Variants in PPEF1 observed in about 807,000 individuals in gnomAD.
PPEF1 encodes the protein serine/threonine-protein phosphatase with EF-hands 1.
Under a neutral mutation model 53.3 loss-of-function variants are expected in PPEF1, and 12 were observed. The ratio of observed to expected loss-of-function variants is 0.23; its 90% CI spans 0.14 to 0.36. The LOEUF (loss-of-function observed/expected upper bound fraction) is 0.36. Among genes scored for constraint, PPEF1 ranks in the 10% least tolerant of loss-of-function variants. The pLI is 1.00. For synonymous variants in PPEF1, 165 were observed against 176.7 expected, an observed-to-expected ratio of 0.93 and a Z score of 0.52; for missense variants, 334 against 490.4, an observed-to-expected ratio of 0.68 and a Z score of 3.01.
chrX:18,716,499 T>C (rs1190378772), intron 1 of PPEF1, among the ~76,000 whole-genome samples: 1 of 84,955 alleles, frequency 1.2e-5, no homozygotes, highest in African/African-American at 4.9e-5. Flanking sequence ...ACCACTGCAC[T>C]ACAGCCTGGG....
chrX:18,795,898 C>A (rs1209465953), intron 10 of PPEF1, among the ~76,000 whole-genome samples: 2 of 112,165 alleles, frequency 1.8e-5, no homozygotes, highest in African/African-American at 6.5e-5. Context: ...CTAGGTCATA[C>A]CATGTCTCTC....
chrX:18,729,362 C>T lies in PPEF1; in HGVS notation c.47-819C>T, dbSNP rs185803127. On this transcript the variant is annotated intron_variant, in intron 1 of 15. Coordinates refer to ENST00000470157, the MANE Select transcript of PPEF1 (RefSeq NM_001377996.1). ...TATTCCCTTCTCTTCATGTACCCCA[C>T]GCTCATTCACTCCCCTATAAATAAC... 1.2e-4 allele frequency among the ~76,000 whole-genome samples: 13 copies of T among 112,128 alleles called. No individual in the cohort carries two copies. The Middle Eastern group carries it at 0.014, about 120-fold the overall frequency.
intron 3 of PPEF1, among the ~76,000 whole-genome samples, chrX:18,736,888 T>G (rs1328041032): frequency 1.8e-5 from 2 of 112,420 alleles, no homozygotes; most frequent in Non-Finnish European, 3.8e-5. Context: ...ATTTATCCAT[T>G]TCTTCTAGAT....
intron 1 of PPEF1, among the ~76,000 whole-genome samples, chrX:18,711,754 C>CTTT (rs536021892): frequency 2.8e-4 from 25 of 89,187 alleles, no homozygotes; most frequent in African/African-American, 1.1e-3. Flanking sequence ...ATTACTATAG[C>CTTT]TTTTTTTTTT....
intron 3 of PPEF1, among the ~76,000 whole-genome samples, chrX:18,748,927 AAC>A (rs1428058530): frequency 3.6e-5 from 4 of 112,330 alleles, no homozygotes; most frequent in Non-Finnish European, 5.6e-5. Flanking sequence ...GGGATGGGGA[AAC>A]ACACTCTTGA....
intron 4 of PPEF1, among the ~76,000 whole-genome samples, chrX:18,756,796 G>A (rs2045558790): frequency 8.9e-6 from 1 of 112,283 alleles, no homozygotes; most frequent in South Asian, 3.6e-4. Flanking sequence ...TGTTAATTTA[G>A]CTTTTATAAA....
chrX:18,810,076 C>CTGTGTG (rs199559695), intron 12 of PPEF1, among the ~76,000 whole-genome samples: 10 of 99,461 alleles, frequency 1.0e-4, no homozygotes, highest in Admixed American at 3.4e-4. Context: ...AAAAAATCCT[C>CTGTGTG]TGTGTGTGTG....
chrX:18,722,109 T>G (rs1336446319), intron 1 of PPEF1, among the ~76,000 whole-genome samples: 1 of 112,193 alleles, frequency 8.9e-6, no homozygotes. Context: ...GAAGTCTCAC[T>G]GGGACAGCCG....
intron 1 of PPEF1, among the ~76,000 whole-genome samples, chrX:18,709,623 G>A (rs1462352297): frequency 1.7e-4 from 18 of 108,993 alleles, no homozygotes; most frequent in Non-Finnish European, 2.3e-4. Context: ...TCAGCCTCTG[G>A]AGTAGCTGGG....
At chrX:18,806,957 A>G (rs984070950) in intron 12 of PPEF1, among the ~76,000 whole-genome samples, 4 of 109,271 alleles carry the variant, frequency 3.7e-5, no homozygotes, top group African/African-American at 1.3e-4. Flanking sequence ...TTTGTAGCTT[A>G]TACTCCTTTT....
At chrX:18,807,496 C>T (rs181361276) in intron 12 of PPEF1, among the ~76,000 whole-genome samples, 2 of 111,646 alleles carry the variant, frequency 1.8e-5, no homozygotes, top group Admixed American at 9.6e-5. Flanking sequence ...CCTCTTCTTG[C>T]TCTTACAAAA....
intron 10 of PPEF1, among the ~76,000 whole-genome samples, chrX:18,792,791 A>G (rs956919360): frequency 1.8e-5 from 2 of 111,608 alleles, no homozygotes; most frequent in Non-Finnish European, 3.8e-5. Context: ...ATGAAAGTAC[A>G]CTCCACAGTG....
At chrX:18,685,481 C>T (rs1050803932) in intron 2 of PPEF1, among the ~76,000 whole-genome samples, 12 of 110,564 alleles carry the variant, frequency 1.1e-4, no homozygotes, top group African/African-American at 1.7e-4. Flanking sequence ...GTCAGGAGAT[C>T]GAGACCATCC....
chrX:18,702,670 G>GA (rs1369827692), upstream of PPEF1, among the ~76,000 whole-genome samples: 2 of 109,316 alleles, frequency 1.8e-5, no homozygotes, highest in Non-Finnish European at 3.8e-5. Flanking sequence ...AGATTAGCAT[G>GA]AAAAAAATGG....
chrX:18,727,300 C>A (rs1245756069), intron 1 of PPEF1, among the ~76,000 whole-genome samples: 3 of 110,760 alleles, frequency 2.7e-5, no homozygotes, highest in Non-Finnish European at 5.7e-5. Flanking sequence ...AGTATGAGAA[C>A]CCCTGAGGCC....
chrX:18,681,631 CTTGG>C (rs781606380), upstream of PPEF1, among the ~76,000 whole-genome samples: 1 of 111,898 alleles, frequency 8.9e-6, no homozygotes, highest in South Asian at 3.7e-4. Flanking sequence ...TATTAGGGCT[CTTGG>C]TTGCATACAA....
intron 1 of PPEF1, among the ~76,000 whole-genome samples, chrX:18,726,195 A>C (rs1228561869): frequency 9.1e-6 from 1 of 109,854 alleles, no homozygotes; most frequent in Non-Finnish European, 1.9e-5. Flanking sequence ...CTCTACAGAA[A>C]ATACAAAAAT....
intron 12 of PPEF1, among the ~76,000 whole-genome samples, chrX:18,816,451 G>A (rs1356614266): frequency 9.0e-6 from 1 of 111,707 alleles, no homozygotes; most frequent in Non-Finnish European, 1.9e-5. Flanking sequence ...TTATGGCCTA[G>A]CATCGAGTCT....
intron 3 of PPEF1, among the ~76,000 whole-genome samples, chrX:18,742,446 G>A (rs1476552380): frequency 8.9e-6 from 1 of 111,829 alleles, no homozygotes; most frequent in East Asian, 2.8e-4. Flanking sequence ...GGGCTTGCTG[G>A]GAACAACTTA....
Sources: gnomAD v4.1 joint callset for allele counts (sites outside exome capture counted in the v4.1 genomes callset) on GRCh38, gnomAD v4.1.1 for gene constraint, MANE v1.5 for transcripts, NCBI Gene and HGNC (gene_info 2026-07-23, HGNC 2026-07-21) for gene names.